RPS29: variants seen among roughly 807,000 people sequenced by gnomAD.
RPS29 encodes small ribosomal subunit protein uS14.
For missense variants in RPS29, 60 were observed against 75.7 expected (o/e 0.79, Z 0.77); for synonymous variants, 37 against 26.9 (o/e 1.37, Z -1.16).
downstream of RPS29, among the ~76,000 whole-genome samples, chr14:49,582,728 TAAC>T (rs1315118663): frequency 6.6e-6 from 1 of 152,226 alleles, no homozygotes; most frequent in Non-Finnish European, 1.5e-5. Context: ...GGGTATACCC[TAAC>T]AACACATTTC....
chr14:49,585,123 A>G (rs779722050), intron 2 of RPS29, among the ~76,000 whole-genome samples: 8 of 152,238 alleles, frequency 5.3e-5, no homozygotes, highest in Middle Eastern at 3.4e-3. Context: ...TAATCTCAGC[A>G]CTTTGGGAGG....
exon 3 of RPS29, chr14:49,573,817 A>G (rs1341825742): frequency 6.6e-6 from 1 of 152,222 alleles, no homozygotes; most frequent in Non-Finnish European, 1.5e-5. Context: ...GAATGTTAAT[A>G]AGAGTTAATT....
intron 1 of RPS29, among the ~76,000 whole-genome samples, chr14:49,593,103 C>G (rs868612509): frequency 3.9e-5 from 6 of 152,306 alleles, no homozygotes; most frequent in Middle Eastern, 3.4e-3. Flanking sequence ...CAAATGGCTA[C>G]TTATCCCAAC....
At chr14:49,583,710 T>C (rs1357531801) in intron 2 of RPS29, 35 bp from the exon 3 acceptor site, 9 of 1,251,558 alleles carry the variant, frequency 7.2e-6, no homozygotes, top group Non-Finnish European at 1.0e-5. Flanking sequence ...TATTTCAAAA[T>C]GCTTTAAATC....
At chr14:49,584,950 A>G (rs571407954) in intron 2 of RPS29, among the ~76,000 whole-genome samples, 2 of 152,186 alleles carry the variant, frequency 1.3e-5, no homozygotes, top group African/African-American at 2.4e-5. Flanking sequence ...AGTTTCATAT[A>G]AACACTAGCT....
downstream of RPS29, among the ~76,000 whole-genome samples, chr14:49,581,683 A>G (rs887815812): frequency 5.3e-5 from 8 of 152,076 alleles, no homozygotes; most frequent in African/African-American, 1.9e-4. Context: ...CCAGCCCCTA[A>G]GAGTCATTAT....
chr14:49,586,456 C>A (rs936662880), upstream of RPS29: 6 of 948,562 alleles, frequency 6.3e-6, no homozygotes, highest in African/African-American at 1.6e-5. Context: ...GAAACGCGTG[C>A]GCAGTGTGGT....
chr14:49,577,345 TTTTA>T (rs1209519393), exon 3 of RPS29: 16 of 163,064 alleles, frequency 9.8e-5, no homozygotes, highest in African/African-American at 3.8e-4. Flanking sequence ...GTTTTTACAG[TTTTA>T]TTGGTTTTAT....
At chr14:49,597,252 G>C (rs147713519) in intron 1 of RPS29, among the ~76,000 whole-genome samples, 115 of 151,816 alleles carry the variant, frequency 7.6e-4, no homozygotes, top group Non-Finnish European at 1.5e-3. Context: ...TGGAGACGAG[G>C]TCTCACTATT....
intron 1 of RPS29, among the ~76,000 whole-genome samples, chr14:49,596,033 G>A (rs1881815053): frequency 6.9e-6 from 1 of 145,746 alleles, no homozygotes; most frequent in Admixed American, 6.9e-5. Context: ...GGGAGGGAGG[G>A]AGGGAGGGAG....
chr14:49,588,174 C>T (rs986859835), upstream of RPS29, among the ~76,000 whole-genome samples: 3 of 152,090 alleles, frequency 2.0e-5, no homozygotes, highest in Non-Finnish European at 4.4e-5. Flanking sequence ...GTTCTGAGAT[C>T]AATTCCATTA....
chr14:49,572,797 G>A (rs762208865), exon 3 of RPS29: 2 of 152,186 alleles, frequency 1.3e-5, no homozygotes, highest in Non-Finnish European at 2.9e-5. Flanking sequence ...GGCCTGGCAT[G>A]GTGGCTCACG....
At chr14:49,582,747 G>A (rs1403139885), downstream of RPS29, among the ~76,000 whole-genome samples, 1 of 152,166 alleles carries the variant, frequency 6.6e-6, no homozygotes, top group Non-Finnish European at 1.5e-5. Flanking sequence ...ATTTCTAATA[G>A]GCTTCCAGAT....
At chr14:49,597,358 G>A (rs1377679346) in intron 1 of RPS29, 1 of 151,694 alleles carries the variant, frequency 6.6e-6, no homozygotes, top group Non-Finnish European at 1.5e-5. Context: ...GCACCTGGCG[G>A]AACATTTCTA....
chr14:49,590,489 A>C (rs1311361906), upstream of RPS29, among the ~76,000 whole-genome samples: 1 of 152,106 alleles, frequency 6.6e-6, no homozygotes, highest in African/African-American at 2.4e-5. Context: ...AAAAAACAAA[A>C]AACAAAAAAA....
At chr14:49,571,584 C>T (rs1881056756) in exon 3 of RPS29, 1 of 152,102 alleles carries the variant, frequency 6.6e-6, no homozygotes, top group Non-Finnish European at 1.5e-5. Flanking sequence ...GCCTGACACC[C>T]AGAGTAAGGG....
chr14:49,582,673 T>A (rs1156451088), downstream of RPS29, among the ~76,000 whole-genome samples: 1 of 152,244 alleles, frequency 6.6e-6, no homozygotes, highest in African/African-American at 2.4e-5. Context: ...AAACTTGGAT[T>A]GCGTAGGGGC....
At chr14:49,598,278 C>T in intron 1 of RPS29, 1 of 597,306 alleles carries the variant, frequency 1.7e-6, no homozygotes, top group Non-Finnish European at 3.0e-6. Context: ...TTCCCACTCC[C>T]CAGCCGGGCC....
downstream of RPS29, chr14:49,583,504 CA>C (rs552339139): frequency 0.035 from 19,889 of 562,664 alleles, no homozygotes; most frequent in South Asian, 0.055. Flanking sequence ...GACTCAGTCT[CA>C]AAAAAAAAAA....
Sources: allele counts gnomAD v4.1 joint callset (sites outside exome capture counted in the v4.1 genomes callset), GRCh38; gene constraint gnomAD v4.1.1; transcripts MANE v1.5; gene names NCBI Gene and HGNC (gene_info 2026-07-23, HGNC 2026-07-21).